The following CCDC28A variants were observed in gnomAD, a reference collection of about 807,000 sequenced individuals.
The protein encoded by CCDC28A is coiled-coil domain containing 28A, also known as coiled-coil domain-containing protein 28A.
In CCDC28A, 24 loss-of-function variants were observed where a neutral mutation model predicts 22.1. The ratio of observed to expected loss-of-function variants is 1.09; its 90% CI spans 0.79 to 1.53. The LOEUF is 1.53. Among genes scored for constraint, CCDC28A ranks in the 40% most tolerant of loss-of-function variants. The pLI is 0.00. For synonymous variants in CCDC28A, 83 were observed against 74.7 expected (o/e 1.11, Z -0.57); for missense variants, 170 against 210.7 (o/e 0.81, Z 1.20).
In CCDC28A at chr6:138,773,813, G is replaced by C. The variant is rs142747563; in HGVS notation, c.-132G>C. 5.8e-5 allele frequency: 93 copies of C among 1,613,956 alleles called. No homozygotes were observed. Among genetic ancestry groups the C allele is most frequent in the South Asian group, 1.1e-4 (10 of 91,084 alleles). ...GAGGAGCGGGTCCCGGGATGTGACC[G>C]GGGCTCTGCTTGTGGCTGCGGCGGT... is the stretch of plus-strand genomic sequence containing the variant. On this transcript the variant is annotated 5_prime_UTR_variant, in exon 1 of 6. Transcript: ENST00000617445.
At chr6:138,777,281 G>A (rs889527235) in intron 2 of CCDC28A, among the ~76,000 whole-genome samples, 1 of 152,140 alleles carries the variant, frequency 6.6e-6, no homozygotes, top group Admixed American at 6.5e-5. Flanking sequence ...CGAAACAGAA[G>A]GGACATAACC....
intron 5 of CCDC28A, among the ~76,000 whole-genome samples, chr6:138,790,709 G>A (rs142831220): frequency 3.9e-5 from 6 of 152,212 alleles, no homozygotes; most frequent in East Asian, 3.9e-4. Flanking sequence ...CCTCTTTGTC[G>A]GCTGTCTCTG....
At chr6:138,792,252 G>A (rs1775181025) in intron 5 of CCDC28A, among the ~76,000 whole-genome samples, 1 of 152,150 alleles carries the variant, frequency 6.6e-6, no homozygotes. Context: ...CTCTGGGCCA[G>A]GTGTGGTGGC....
intron 4 of CCDC28A, among the ~76,000 whole-genome samples, chr6:138,788,066 A>G (rs1775119058): frequency 6.7e-6 from 1 of 148,918 alleles, no homozygotes; most frequent in Admixed American, 6.8e-5. Context: ...GGCCCAAACA[A>G]TCCTCCCACC....
intron 5 of CCDC28A, among the ~76,000 whole-genome samples, chr6:138,791,685 C>T (rs538591178): frequency 1.3e-3 from 197 of 152,298 alleles, no homozygotes; most frequent in African/African-American, 4.5e-3. Flanking sequence ...CTCTCACCTC[C>T]TTGTTCTCCT....
intron 3 of CCDC28A, among the ~76,000 whole-genome samples, chr6:138,781,423 T>G (rs1010966537): frequency 6.6e-6 from 1 of 152,252 alleles, no homozygotes; most frequent in Admixed American, 6.5e-5. Flanking sequence ...TTGGGATTGA[T>G]TCTCATGAGT....
At chr6:138,783,247 A>G (rs1353435322) in intron 3 of CCDC28A, among the ~76,000 whole-genome samples, 1 of 149,662 alleles carries the variant, frequency 6.7e-6, no homozygotes, top group African/African-American at 2.5e-5. Flanking sequence ...AAAATGATTC[A>G]CATTTGAAGT....
At chr6:138,780,632 T>A (rs911627042) in intron 3 of CCDC28A, among the ~76,000 whole-genome samples, 3 of 150,338 alleles carry the variant, frequency 2.0e-5, no homozygotes, top group African/African-American at 7.4e-5. Flanking sequence ...TAGAGTTCCA[T>A]GGCACGATCT....
At chr6:138,783,876 CTTTTT>C (rs577197452) in intron 3 of CCDC28A, among the ~76,000 whole-genome samples, 2 of 125,464 alleles carry the variant, frequency 1.6e-5, no homozygotes, top group Non-Finnish European at 1.7e-5. Flanking sequence ...AGCCAGAACT[CTTTTT>C]TTTTTTTTTT....
intron 3 of CCDC28A, 112 bp from the exon 4 acceptor site, chr6:138,785,115 C>T (rs1332457533): frequency 3.4e-6 from 2 of 592,858 alleles, no homozygotes; most frequent in Non-Finnish European, 2.8e-6. Context: ...ATCTAATTTA[C>T]AGAAGAAAGA....
At chr6:138,775,231 G>A (rs578216394) in intron 1 of CCDC28A, among the ~76,000 whole-genome samples, 1 of 152,326 alleles carries the variant, frequency 6.6e-6, no homozygotes, top group East Asian at 1.9e-4. Context: ...GAGCCCGGCC[G>A]GAAGGGTATT....
intron 3 of CCDC28A, among the ~76,000 whole-genome samples, chr6:138,783,833 G>C (rs953375333): frequency 6.7e-6 from 1 of 150,160 alleles, no homozygotes; most frequent in Non-Finnish European, 1.5e-5. Context: ...CTCTCAAAGT[G>C]TGTTAAGATT....
At chr6:138,777,478 A>C (rs1313448823) in intron 2 of CCDC28A, among the ~76,000 whole-genome samples, 1 of 152,048 alleles carries the variant, frequency 6.6e-6, no homozygotes, top group African/African-American at 2.4e-5. Context: ...AAAAGTAATC[A>C]CTCCTTTCTC....
chr6:138,788,824 G>A (rs903032721), intron 5 of CCDC28A, among the ~76,000 whole-genome samples: 4 of 151,860 alleles, frequency 2.6e-5, no homozygotes, highest in African/African-American at 9.7e-5. Flanking sequence ...GCTTTGTACT[G>A]TTCTTGAATT....
Position 138,774,162 on chromosome 6 carries a change from A to C in CCDC28A, c.-43+260A>C, listed in dbSNP as rs537263616. On this transcript the variant is annotated intron_variant, in intron 1 of 5. Coordinates refer to ENST00000617445, the MANE Select transcript of CCDC28A (RefSeq NM_015439.3). ...AAACATTCTTTGCTGTTTGATATAC[A>C]GGAAGGGTTTCAGTGCTCTTGTGAC... 3.9e-5 allele frequency among the ~76,000 whole-genome samples: 6 copies of C among 152,334 alleles called. No homozygotes were observed. The South Asian group carries it at 1.2e-3, about 32-fold the overall frequency.
At chr6:138,780,113 G>T in intron 3 of CCDC28A, 128 bp downstream of exon 3, 1 of 635,150 alleles carries the variant, frequency 1.6e-6, no homozygotes, top group South Asian at 3.6e-5. Flanking sequence ...CAGGCATAAA[G>T]GCAATCATCC....
intron 3 of CCDC28A, among the ~76,000 whole-genome samples, chr6:138,783,811 T>C (rs1296256685): frequency 6.6e-6 from 1 of 151,100 alleles, no homozygotes; most frequent in East Asian, 2.0e-4. Context: ...CAAGCAGTTC[T>C]CACACCTTGG....
intron 3 of CCDC28A, among the ~76,000 whole-genome samples, chr6:138,780,640 T>G (rs887574092): frequency 2.7e-5 from 4 of 150,378 alleles, no homozygotes; most frequent in Non-Finnish European, 4.4e-5. Flanking sequence ...CATGGCACGA[T>G]CTCGGCTCAC....
chr6:138,784,841 G>A (rs760415304), intron 3 of CCDC28A, among the ~76,000 whole-genome samples: 4 of 151,998 alleles, frequency 2.6e-5, no homozygotes, highest in African/African-American at 4.8e-5. Context: ...CTACAGGCAC[G>A]CACCACCATG....
Sources: allele counts gnomAD v4.1 joint callset (sites outside exome capture counted in the v4.1 genomes callset), GRCh38; gene constraint gnomAD v4.1.1; transcripts MANE v1.5; gene names NCBI Gene and HGNC (gene_info 2026-07-23, HGNC 2026-07-21).